Variants in FAM13B observed in about 807,000 individuals in gnomAD.
The protein encoded by FAM13B is protein FAM13B.
FAM13B carries 60 observed loss-of-function variants against 117.3 expected under a neutral mutation model. That is an observed-to-expected ratio of 0.51 (90% CI 0.42 to 0.63). The LOEUF (loss-of-function observed/expected upper bound fraction) is 0.63, where lower values mean the gene tolerates loss of function less well. FAM13B is among the 30% of genes least tolerant of loss of function. The probability of loss-of-function intolerance (pLI) is 0.00; values close to 1 mark genes in which losing one functional copy is unlikely to be tolerated. For missense variants in FAM13B, 972 were observed against 1,091.9 expected (o/e 0.89, Z 1.55); for synonymous variants, 332 against 356.1 (o/e 0.93, Z 0.76).
Position 137,949,033 on chromosome 5 carries a change from A to G in FAM13B, c.2082T>C (p.Ser694=). 2 of 1,614,036 alleles carry G rather than the reference A, an allele frequency of 1.2e-6. No individual in the cohort carries two copies. The highest frequency in any genetic ancestry group is 1.7e-6 in the Non-Finnish European group (2 of 1,180,010). Reference sequence around the variant, plus strand: ...GAATAAGTTCAAGGGTTGCTTCTTTAGATGGTTTTTTCTCCTTCTGAATGA... The same window carrying G: ...GAATAAGTTCAAGGGTTGCTTCTTTGGATGGTTTTTTCTCCTTCTGAATGA... ...PKVIQKEKKP[S]KEATLELILK... is the part of the protein sequence containing the mutation. Residue 694 remains serine (S), a synonymous_variant, in exon 18 of 24, where the codon TCT becomes TCC. Transcript: ENST00000689681.
At chr5:137,995,399 T>C (rs1043007538) in intron 7 of FAM13B, among the ~76,000 whole-genome samples, 3 of 152,222 alleles carry the variant, frequency 2.0e-5, no homozygotes, top group Non-Finnish European at 4.4e-5. Context: ...ATCAAACTAC[T>C]ATAACCAGGG....
chr5:138,044,699 C>A (rs1250861256), intron 1 of FAM13B, among the ~76,000 whole-genome samples: 1 of 152,074 alleles, frequency 6.6e-6, no homozygotes, highest in Non-Finnish European at 1.5e-5. Context: ...AGCCAAAAGA[C>A]TGGAAAAGTT....
intron 23 of FAM13B, among the ~76,000 whole-genome samples, chr5:137,940,984 C>A (rs1356120964): frequency 2.6e-5 from 4 of 152,212 alleles, no homozygotes; most frequent in African/African-American, 9.6e-5. Flanking sequence ...CAGCTCGCTG[C>A]AAGCTCCGCC....
intron 7 of FAM13B, among the ~76,000 whole-genome samples, chr5:138,002,909 C>T (rs1320082772): frequency 3.3e-5 from 5 of 151,250 alleles, no homozygotes; most frequent in African/African-American, 7.3e-5. Flanking sequence ...CTCCTGACCT[C>T]GTGATCTGCC....
chr5:138,008,108 A>G (rs1782993815), intron 6 of FAM13B, among the ~76,000 whole-genome samples: 1 of 152,156 alleles, frequency 6.6e-6, no homozygotes, highest in African/African-American at 2.4e-5. Context: ...ATTCTATCAC[A>G]CTCCTAATCA....
At chr5:137,997,953 A>G (rs1780263531) in intron 7 of FAM13B, among the ~76,000 whole-genome samples, 1 of 152,206 alleles carries the variant, frequency 6.6e-6, no homozygotes, top group Non-Finnish European at 1.5e-5. Flanking sequence ...AAGTGAACTG[A>G]AACCCAATGT....
chr5:137,961,504 G>C (rs1768108453), intron 11 of FAM13B, among the ~76,000 whole-genome samples: 1 of 152,148 alleles, frequency 6.6e-6, no homozygotes, highest in South Asian at 2.1e-4. Flanking sequence ...TGAAAGGAAG[G>C]ACAAGGAACT....
At chr5:137,994,274 T>C (rs898132828) in intron 7 of FAM13B, among the ~76,000 whole-genome samples, 2 of 148,872 alleles carry the variant, frequency 1.3e-5, no homozygotes, top group East Asian at 5.8e-4. Context: ...AAATAGATTT[T>C]CTACTTTAAG....
At position 137,949,157 on chromosome 5, in the gene FAM13B, T is replaced by A. The variant is rs753660338; in HGVS notation, c.1958A>T (p.Glu653Val). Residue 653 changes from glutamate to valine, a missense_variant, in exon 18 of 24, where the codon GAA (glutamate) becomes GTA (valine). Glu to Val is a moderately radical substitution (Grantham distance 121). Coordinates refer to ENST00000689681, the MANE Select transcript of FAM13B (RefSeq NM_001385994.1). The stretch of plus-strand genomic sequence containing the variant: ...ACGTGGACGTGTCTGAGGTACAAAT[T>A]CTCCATCAGAATTTTTGTGTTTTGC... ...KDAKHKNSDGEFVPQTRPRSN... is the reference protein window; with the variant it reads ...KDAKHKNSDGVFVPQTRPRSN... 6.2e-7 allele frequency: 1 copy of A among 1,614,036 alleles called. No homozygotes were observed. The highest frequency in any genetic ancestry group is 1.7e-5 in the Admixed American group (1 of 60,020).
chr5:137,960,286 G>C, intron 11 of FAM13B, 72 bp from the exon 12 acceptor site: 1 of 860,142 alleles, frequency 1.2e-6, no homozygotes, highest in Non-Finnish European at 1.8e-6. Flanking sequence ...TTCTTACCTA[G>C]ATTCCTCTAC....
intron 1 of FAM13B, among the ~76,000 whole-genome samples, chr5:138,022,716 T>G (rs1391468873): frequency 6.6e-6 from 1 of 152,184 alleles, no homozygotes; most frequent in Non-Finnish European, 1.5e-5. Context: ...ATTTGCTTGA[T>G]GTACTATAAA....
At chr5:138,032,566 G>A (rs1561552631) in intron 1 of FAM13B, among the ~76,000 whole-genome samples, 3 of 152,220 alleles carry the variant, frequency 2.0e-5, no homozygotes, top group Admixed American at 6.5e-5. Flanking sequence ...ACACCCCCCG[G>A]CAGCCAGGGA....
In FAM13B at chr5:137,953,426, T is replaced by C. The variant is rs148036821; in HGVS notation, c.1758A>G (p.Arg586=). The change falls in exon 16 of 24, where the codon AGA becomes AGG. Residue 586 remains arginine, a synonymous_variant. Coordinates refer to ENST00000689681, the MANE Select transcript of FAM13B (RefSeq NM_001385994.1). ...CCAGCTGATAAGGTGTTCTGTCCTC[T>C]CTCTTTTCATCTTTTGAACTAAAGG... ...RSSFSSKDEK[R]EDRTPYQLVK... 2.5e-6 allele frequency: 4 copies of C among 1,613,844 alleles called. No individual in the cohort carries two copies. Among genetic ancestry groups the C allele is most frequent in the Non-Finnish European group, 3.4e-6 (4 of 1,179,838 alleles).
Position 137,945,955 on chromosome 5 carries a change from T to C in FAM13B, c.2287A>G (p.Arg763Gly). Residue 763 changes from arginine to glycine, a missense_variant, in exon 20 of 24, where the codon AGA (arginine) becomes GGA (glycine). By Grantham distance (125) the Arg-to-Gly change is moderately radical. Coordinates refer to ENST00000689681, the MANE Select transcript of FAM13B (RefSeq NM_001385994.1). Reference protein sequence around the residue: ...ERHIVKPLYDRYRLVKQMLTR... With the variant: ...ERHIVKPLYDGYRLVKQMLTR... ...AGCATTTGTTTTACAAGCCTGTATC[T>C]ATCATAGAGAGGTTTAACAATGTGC... The C allele has an allele frequency of 6.2e-7, 1 of 1,613,658 alleles. No individual in the cohort carries two copies. The highest frequency in any genetic ancestry group is 8.5e-7 in the Non-Finnish European group (1 of 1,179,758).
chr5:137,987,392 A>G, intron 9 of FAM13B, 69 bp downstream of exon 9: 1 of 1,321,640 alleles, frequency 7.6e-7, no homozygotes, highest in East Asian at 2.5e-5. Flanking sequence ...CTGTTATTTA[A>G]GTAGCAATAC....
At chr5:137,942,821 G>C in intron 22 of FAM13B, 54 bp downstream of exon 22, 1 of 1,482,092 alleles carries the variant, frequency 6.7e-7, no homozygotes, top group Non-Finnish European at 9.1e-7. Context: ...CAAATTTCTT[G>C]GCATATACAT....
At chr5:138,006,001 C>A (rs958005791) in intron 7 of FAM13B, among the ~76,000 whole-genome samples, 3 of 151,756 alleles carry the variant, frequency 2.0e-5, no homozygotes, top group Admixed American at 6.6e-5. Context: ...CGGGTTCATG[C>A]CATTCTCCTG....
intron 4 of FAM13B, among the ~76,000 whole-genome samples, chr5:138,014,552 C>T (rs1267302519): frequency 6.6e-6 from 1 of 152,236 alleles, no homozygotes; most frequent in African/African-American, 2.4e-5. Flanking sequence ...TTCCACAAAA[C>T]CAGTCCCTGG....
At chr5:137,964,531 G>C (rs186489699) in intron 10 of FAM13B, among the ~76,000 whole-genome samples, 26 of 150,016 alleles carry the variant, frequency 1.7e-4, no homozygotes, top group African/African-American at 6.1e-4. Flanking sequence ...GACCAGCCTG[G>C]CCAACATGGC....
Sources: allele counts gnomAD v4.1 joint callset (sites outside exome capture counted in the v4.1 genomes callset), GRCh38; gene constraint gnomAD v4.1.1; transcripts MANE v1.5; gene names NCBI Gene and HGNC (gene_info 2026-07-23, HGNC 2026-07-21).